IRAG1: variants seen among roughly 807,000 people sequenced by gnomAD.
The protein encoded by IRAG1 is IP3R-associated cGMP kinase substrate.
Under a neutral mutation model 106.2 loss-of-function variants are expected in IRAG1, and 62 were observed. That is an observed-to-expected ratio of 0.58 (90% CI 0.48 to 0.72). The LOEUF (loss-of-function observed/expected upper bound fraction) is 0.72. Among genes scored for constraint, IRAG1 ranks in the 30% least tolerant of loss-of-function variants. IRAG1 has a pLI of 0.00. For synonymous variants in IRAG1, 462 were observed against 443.9 expected, an observed-to-expected ratio of 1.04 and a Z score of -0.51; for missense variants, 1,064 against 1,140.7, an observed-to-expected ratio of 0.93 and a Z score of 0.97.
intron 18 of IRAG1, 92 bp downstream of exon 18, chr11:10,591,456 C>T: frequency 8.7e-7 from 1 of 1,152,296 alleles, no homozygotes; most frequent in Non-Finnish European, 1.3e-6. Context: ...CTTTCCACTG[C>T]ATTTTGGGGA....
rs1850804228 is a variant in IRAG1 at position 10,576,230 on chromosome 11, G to C, written c.*102C>G. Reference sequence around the variant, plus strand: ...AGAACCCTTCCTCATGACCTGATGGGATGGGCGGCAGTGTGTCCACACTTG... The same window carrying C: ...AGAACCCTTCCTCATGACCTGATGGCATGGGCGGCAGTGTGTCCACACTTG... On this transcript the variant is annotated 3_prime_UTR_variant, in exon 21 of 21. Transcript: ENST00000423302. 6.8e-7 allele frequency: 1 copy of C among 1,473,936 alleles called. No homozygotes were observed. The highest frequency in any genetic ancestry group is 9.2e-7 in the Non-Finnish European group (1 of 1,081,214). 91.3% of individuals were successfully genotyped at this position (1,473,936 alleles called of 1,614,324 possible). A position where few individuals can be genotyped will look rare whatever the true frequency, so the allele number is the denominator to read the frequency against.
intron 2 of IRAG1, among the ~76,000 whole-genome samples, chr11:10,636,079 T>C (rs1857126723): frequency 1.3e-5 from 2 of 152,250 alleles, no homozygotes; most frequent in South Asian, 4.1e-4. Context: ...CTACTAGCTA[T>C]GTGTCGTGGA....
At chr11:10,581,396 G>A (rs1160669148) in intron 19 of IRAG1, among the ~76,000 whole-genome samples, 1 of 152,094 alleles carries the variant, frequency 6.6e-6, no homozygotes, top group East Asian at 1.9e-4. Context: ...CTGGCCATGG[G>A]TGCTATTGAA....
chr11:10,609,332 C>T (rs1389866575), intron 11 of IRAG1, among the ~76,000 whole-genome samples: 4 of 152,072 alleles, frequency 2.6e-5, no homozygotes, highest in African/African-American at 9.7e-5. Context: ...CACTTGAGGC[C>T]AGGAGTTCAA....
intron 2 of IRAG1, among the ~76,000 whole-genome samples, chr11:10,650,356 G>C (rs529126789): frequency 6.6e-6 from 1 of 152,330 alleles, no homozygotes; most frequent in South Asian, 2.1e-4. Context: ...TGTCTTCACT[G>C]ACAGCAGGGG....
intron 10 of IRAG1, among the ~76,000 whole-genome samples, chr11:10,614,546 A>T (rs1445130402): frequency 6.6e-6 from 1 of 152,242 alleles, no homozygotes. Context: ...AAACTATACT[A>T]CAAGGCTACA....
chr11:10,624,207 C>A (rs1320878348), intron 9 of IRAG1, among the ~76,000 whole-genome samples: 1 of 152,288 alleles, frequency 6.6e-6, no homozygotes, highest in African/African-American at 2.4e-5. Context: ...ACTAAGGGCT[C>A]TGGGACAGGA....
Position 10,609,813 on chromosome 11 carries a change from C to T in IRAG1, c.1486G>A (p.Glu496Lys). The change falls in exon 11 of 21, where the codon GAG (glutamate) becomes AAG (lysine). Residue 496 changes from glutamate to lysine, a missense_variant. By Grantham distance (56) the Glu-to-Lys change is moderately conservative. Transcript: ENST00000423302. The part of the protein sequence containing the change: ...SELSPAIEEE[E>K]SKSGLDVMPN... ...ATGACATCTAAGCCACTCTTTGACTCTTCTTCCTCAATAGCTGGGGAGAGT... is the reference window on the plus strand; with the variant it reads ...ATGACATCTAAGCCACTCTTTGACTTTTCTTCCTCAATAGCTGGGGAGAGT... The T allele has an allele frequency of 6.2e-7, 1 of 1,613,994 alleles. No homozygotes were observed. Among genetic ancestry groups the T allele is most frequent in the Non-Finnish European group, 8.5e-7 (1 of 1,179,874 alleles).
At chr11:10,599,604 C>T (rs1853734991) in intron 15 of IRAG1, 1 of 152,180 alleles carries the variant, frequency 6.6e-6, no homozygotes, top group Non-Finnish European at 1.5e-5. Context: ...TGTGAAACCT[C>T]CTGTTTATAA....
In IRAG1 at chr11:10,687,620, T is replaced by C. The variant is rs146817759; in HGVS notation, c.67+5916A>G. On this transcript the variant is annotated intron_variant, in intron 1 of 20. Transcript: ENST00000423302. ...CAGTGAAGGAAAGAGGTGTTATTTA[T>C]TGGGCCTCCTTAAAGACTTCACCAG... is the stretch of plus-strand genomic sequence containing the variant. The C allele has an allele frequency of 2.9e-4, 348 of 1,189,256 alleles. No homozygotes were observed. The African/African-American group carries it at 5.3e-3, about 18-fold the overall frequency. 73.7% of individuals were successfully genotyped at this position (1,189,256 alleles called of 1,614,324 possible). A position where few individuals can be genotyped will look rare whatever the true frequency, so the allele number is the denominator to read the frequency against.
At chr11:10,650,298 C>A (rs139765505) in intron 2 of IRAG1, among the ~76,000 whole-genome samples, 1 of 152,272 alleles carries the variant, frequency 6.6e-6, no homozygotes, top group East Asian at 1.9e-4. Context: ...TCTGAAAGAA[C>A]TTTTAATTAT....
chr11:10,682,010 G>A (rs1391302413), intron 1 of IRAG1, among the ~76,000 whole-genome samples: 1 of 152,144 alleles, frequency 6.6e-6, no homozygotes, highest in Non-Finnish European at 1.5e-5. Context: ...TTGCACCAAG[G>A]GCAATATGGC....
At position 10,594,209 on chromosome 11, in the gene IRAG1, G is replaced by T. The variant is rs750753885; in HGVS notation, c.2018-14C>A. 6.2e-6 allele frequency: 10 copies of T among 1,606,038 alleles called. No homozygotes were observed. The highest frequency in any genetic ancestry group is 1.3e-5 in the African/African-American group (1 of 74,930). ...GGACCCCATCTTCTGCAGCAGGAGG[G>T]AGCAGAGAAGAGAACACAGGTAAGT... On this transcript the variant is annotated splice_polypyrimidine_tract_variant and intron_variant, in intron 15 of 20. Transcript: ENST00000423302.
rs566992995 is a variant in IRAG1, at chr11:10,601,310, C to T, written c.1876-251G>A. 4.6e-5 allele frequency among the ~76,000 whole-genome samples: 7 copies of T among 152,180 alleles called. No individual in the cohort carries two copies. The South Asian group carries it at 1.0e-3, about 23-fold the overall frequency. ...GGCAGAGGAGAGTTGTTTCTGCTTGCAGAGAACGGGTCAGGGGAGGCTTCA... is the reference window on the plus strand; with the variant it reads ...GGCAGAGGAGAGTTGTTTCTGCTTGTAGAGAACGGGTCAGGGGAGGCTTCA... On this transcript the variant is annotated intron_variant, in intron 14 of 20. Transcript: ENST00000423302.
intron 1 of IRAG1, among the ~76,000 whole-genome samples, chr11:10,680,556 A>AGGGGAG (rs1861174963): frequency 7.0e-6 from 1 of 142,240 alleles, no homozygotes; most frequent in African/African-American, 2.6e-5. Flanking sequence ...GGGAAGGGGA[A>AGGGGAG]GGGGAAGGGG....
chr11:10,583,377 G>A (rs1050446384), intron 18 of IRAG1, among the ~76,000 whole-genome samples: 1 of 152,216 alleles, frequency 6.6e-6, no homozygotes, highest in Admixed American at 6.5e-5. Flanking sequence ...AAACCTAGGA[G>A]CAGGTGGAGT....
intron 18 of IRAG1, among the ~76,000 whole-genome samples, chr11:10,582,406 G>A (rs1004471274): frequency 6.6e-6 from 1 of 151,336 alleles, no homozygotes; most frequent in African/African-American, 2.4e-5. Flanking sequence ...CAGGCACATT[G>A]TAATGTGCTG....
Position 10,580,596 on chromosome 11 carries a change from G to T in IRAG1, c.2361-7C>A. On this transcript the variant is annotated splice_polypyrimidine_tract_variant and splice_region_variant and intron_variant, in intron 19 of 20. Transcript: ENST00000423302. Reference sequence around the variant, plus strand: ...CTTTAGACCTTCTTGGAATCTGGGGGGCAAAAAGGAACAGTTGAGTCTGGA... The same window carrying T: ...CTTTAGACCTTCTTGGAATCTGGGGTGCAAAAAGGAACAGTTGAGTCTGGA... 6.2e-7 allele frequency: 1 copy of T among 1,608,922 alleles called. No homozygotes were observed. The highest frequency in any genetic ancestry group is 8.5e-7 in the Non-Finnish European group (1 of 1,178,530).
intron 10 of IRAG1, among the ~76,000 whole-genome samples, chr11:10,618,877 G>A (rs548295499): frequency 6.6e-6 from 1 of 152,322 alleles, no homozygotes; most frequent in Non-Finnish European, 1.5e-5. Context: ...GCAGAATGAA[G>A]CCTCTGAAGA....
Sources: allele counts gnomAD v4.1 joint callset (sites outside exome capture counted in the v4.1 genomes callset), GRCh38; gene constraint gnomAD v4.1.1; transcripts MANE v1.5; gene names NCBI Gene and HGNC (gene_info 2026-07-23, HGNC 2026-07-21).